Variants in ADGRL3 observed in about 807,000 individuals in gnomAD.
ADGRL3 encodes calcium-independent alpha-latrotoxin receptor 3.
In ADGRL3, 62 loss-of-function variants were observed where a neutral mutation model predicts 153.5. That is an observed-to-expected ratio of 0.40 (90% CI 0.33 to 0.50). The LOEUF (loss-of-function observed/expected upper bound fraction) is 0.50, where lower values mean the gene tolerates loss of function less well. ADGRL3 is among the 20% of genes least tolerant of loss of function. The pLI, the probability that ADGRL3 is intolerant of heterozygous loss-of-function variation, is 0.47. For missense variants in ADGRL3, 1,641 were observed against 1,859.4 expected, an observed-to-expected ratio of 0.88 and a Z score of 2.16; for synonymous variants, 710 against 672.5, an observed-to-expected ratio of 1.06 and a Z score of -0.86.
At chr4:61,392,668 G>A (rs1432623435) in intron 2 of ADGRL3, among the ~76,000 whole-genome samples, 1 of 43,052 alleles carries the variant, frequency 2.3e-5, no homozygotes, top group Non-Finnish European at 5.0e-5. Flanking sequence ...CCTGGTGACA[G>A]AGCGAGACTC....
At chr4:61,266,558 A>G (rs1161761135) in intron 1 of ADGRL3, among the ~76,000 whole-genome samples, 2 of 151,808 alleles carry the variant, frequency 1.3e-5, no homozygotes, top group Non-Finnish European at 3.0e-5. Context: ...TAGATAGGAA[A>G]TGTTCTGCAG....
At chr4:61,612,135 A>T (rs1353205980) in intron 5 of ADGRL3, among the ~76,000 whole-genome samples, 2 of 152,112 alleles carry the variant, frequency 1.3e-5, no homozygotes, top group Non-Finnish European at 2.9e-5. Context: ...ACAAATAAAA[A>T]ATAACTACCT....
intron 8 of ADGRL3, among the ~76,000 whole-genome samples, chr4:61,744,974 T>G (rs2096635388): frequency 6.6e-6 from 1 of 151,992 alleles, no homozygotes; most frequent in Admixed American, 6.6e-5. Context: ...TGAAAAAAAT[T>G]TAGGCGAGTG....
chr4:61,909,245 T>G (rs911151238), intron 11 of ADGRL3, among the ~76,000 whole-genome samples: 3 of 152,174 alleles, frequency 2.0e-5, no homozygotes, highest in Non-Finnish European at 4.4e-5. Flanking sequence ...CTAAGTCCAC[T>G]TTAGAAACTC....
chr4:61,614,800 T>C (rs2091811115), intron 5 of ADGRL3, among the ~76,000 whole-genome samples: 1 of 152,196 alleles, frequency 6.6e-6, no homozygotes, highest in Non-Finnish European at 1.5e-5. Flanking sequence ...TCTTCAGACA[T>C]GACTACCAGT....
At chr4:61,900,900 C>T (rs1332985139) in intron 11 of ADGRL3, among the ~76,000 whole-genome samples, 1 of 152,142 alleles carries the variant, frequency 6.6e-6, no homozygotes, top group Non-Finnish European at 1.5e-5. Context: ...GAAACATATG[C>T]GGCAAAATAC....
chr4:61,321,640 T>C (rs2095358272), intron 1 of ADGRL3, among the ~76,000 whole-genome samples: 1 of 151,248 alleles, frequency 6.6e-6, no homozygotes, highest in African/African-American at 2.4e-5. Flanking sequence ...GCTCCTAGAC[T>C]ACAAATCTGT....
At chr4:62,059,197 A>G (rs1002320582) in intron 25 of ADGRL3, among the ~76,000 whole-genome samples, 11 of 152,090 alleles carry the variant, frequency 7.2e-5, no homozygotes, top group African/African-American at 2.7e-4. Flanking sequence ...TAGTCATGGA[A>G]AAGTATTTAA....
chr4:61,284,262 A>T (rs1158013619), intron 1 of ADGRL3, among the ~76,000 whole-genome samples: 2 of 151,990 alleles, frequency 1.3e-5, no homozygotes, highest in African/African-American at 4.8e-5. Context: ...ACTTCTTTAG[A>T]GGTAGCAGCT....
At chr4:61,217,135 T>C (rs1355257175) in intron 1 of ADGRL3, among the ~76,000 whole-genome samples, 2 of 152,232 alleles carry the variant, frequency 1.3e-5, no homozygotes, top group Non-Finnish European at 2.9e-5. Flanking sequence ...AGCCTCTGGC[T>C]TTATGGCACA....
At chr4:61,446,864 C>A (rs1180484957) in intron 2 of ADGRL3, among the ~76,000 whole-genome samples, 1 of 152,110 alleles carries the variant, frequency 6.6e-6, no homozygotes, top group African/African-American at 2.4e-5. Flanking sequence ...GTAATAATTG[C>A]ATTACAATAA....
At chr4:61,805,123 T>C (rs1176040567) in intron 8 of ADGRL3, among the ~76,000 whole-genome samples, 1 of 151,802 alleles carries the variant, frequency 6.6e-6, no homozygotes, top group Non-Finnish European at 1.5e-5. Context: ...GCCCAGCTAA[T>C]TTTTTGTATT....
chr4:61,527,160 T>C (rs1215719928), intron 4 of ADGRL3, among the ~76,000 whole-genome samples: 1 of 152,066 alleles, frequency 6.6e-6, no homozygotes, highest in African/African-American at 2.4e-5. Context: ...TATAGATTTC[T>C]CAATTTTATT....
At chr4:61,293,806 G>T (rs889440879) in intron 1 of ADGRL3, among the ~76,000 whole-genome samples, 1 of 152,150 alleles carries the variant, frequency 6.6e-6, no homozygotes, top group Non-Finnish European at 1.5e-5. Context: ...TGTGGGAATA[G>T]ATTTAAATCC....
chr4:61,390,410 C>G (rs2096789089), intron 2 of ADGRL3, among the ~76,000 whole-genome samples: 1 of 152,096 alleles, frequency 6.6e-6, no homozygotes, highest in Non-Finnish European at 1.5e-5. Context: ...ATCAAGGATG[C>G]TACGTTGAAT....
chr4:61,988,334 TA>T (rs531266933), intron 19 of ADGRL3, among the ~76,000 whole-genome samples: 2 of 151,970 alleles, frequency 1.3e-5, no homozygotes, highest in African/African-American at 2.4e-5. Flanking sequence ...ACAATAATCT[TA>T]AAAAAAACTC....
chr4:61,838,998 G>C (rs1037085156), intron 9 of ADGRL3, among the ~76,000 whole-genome samples: 22 of 152,284 alleles, frequency 1.4e-4, no homozygotes, highest in East Asian at 9.7e-4. Flanking sequence ...TGTTGATAGA[G>C]AGTGTTTTGT....
At chr4:61,681,246 C>CA (rs1294661263) in intron 6 of ADGRL3, among the ~76,000 whole-genome samples, 3 of 152,126 alleles carry the variant, frequency 2.0e-5, no homozygotes, top group Non-Finnish European at 4.4e-5. Flanking sequence ...ACCACCTACT[C>CA]AGAGTATTTC....
At chr4:61,808,254 T>G (rs775676409) in intron 8 of ADGRL3, among the ~76,000 whole-genome samples, 1 of 152,200 alleles carries the variant, frequency 6.6e-6, no homozygotes, top group Non-Finnish European at 1.5e-5. Flanking sequence ...TCATATGGTA[T>G]CCTTAATACC....
Sources: gnomAD v4.1 joint callset for allele counts (sites outside exome capture counted in the v4.1 genomes callset) on GRCh38, gnomAD v4.1.1 for gene constraint, MANE v1.5 for transcripts, NCBI Gene and HGNC (gene_info 2026-07-23, HGNC 2026-07-21) for gene names.